The following SLC12A5 variants were observed in gnomAD, a reference collection of about 807,000 sequenced individuals.
The protein encoded by SLC12A5 is K-Cl cotransporter 2.
A neutral mutation model predicts 124.0 loss-of-function variants in SLC12A5; 18 were observed. The observed-to-expected ratio is 0.15, with a 90% CI of 0.10 to 0.22. The LOEUF is 0.22. Among genes scored for constraint, SLC12A5 ranks in the 10% least tolerant of loss-of-function variants. The probability of loss-of-function intolerance (pLI) is 1.00; values close to 1 mark genes in which losing one functional copy is unlikely to be tolerated. For missense variants in SLC12A5, 867 were observed against 1,478.7 expected (o/e 0.59, Z 6.78); for synonymous variants, 589 against 568.0 (o/e 1.04, Z -0.53).
chr20:46,033,714 C>A (rs1401673511), intron 1 of SLC12A5, among the ~76,000 whole-genome samples: 1 of 152,184 alleles, frequency 6.6e-6, no homozygotes, highest in Non-Finnish European at 1.5e-5. Context: ...ATAGCACCAT[C>A]ATCCAACCAT....
chr20:46,036,667 A>G lies in SLC12A5; in HGVS notation c.427-74A>G, dbSNP rs577699033. ...TGGGTTTGGCTGGTGTTTATGGGGT[A>G]TAAGGCTTGGCCCCCACCCAGGCCA... On this transcript the variant is annotated intron_variant, in intron 4 of 25. Coordinates refer to ENST00000243964, the MANE Select transcript of SLC12A5 (RefSeq NM_020708.5). The G allele has an allele frequency of 3.2e-5, 49 of 1,546,948 alleles. No homozygotes were observed. The African/African-American group carries it at 5.3e-4, about 17-fold the overall frequency.
chr20:46,057,770 C>T lies in SLC12A5; in HGVS notation c.*165C>T, dbSNP rs950809133. 1 of 589,746 alleles carries T rather than the reference C, an allele frequency of 1.7e-6. No individual in the cohort carries two copies. The highest frequency in any genetic ancestry group is 2.0e-5 in the African/African-American group (1 of 50,828). The allele number at this position is 589,746 out of a possible 1,614,324, so 36.5% of individuals were successfully genotyped here. On this transcript the variant is annotated 3_prime_UTR_variant, in exon 26 of 26. Coordinates refer to ENST00000243964, the MANE Select transcript of SLC12A5 (RefSeq NM_020708.5). The surrounding 1 kb of genome is among the most constrained non-coding windows in gnomAD (Gnocchi z 7.1). ...GAGGCCACGCCTGTTGGGGCTGATT[C>T]GGAGAGGGCGCCCCGCCGCGCAGAG...
downstream of SLC12A5, among the ~76,000 whole-genome samples, chr20:46,023,758 C>T (rs62215576): frequency 0.19 from 29,636 of 152,068 alleles, 2,959 homozygotes; most frequent in South Asian, 0.34. Context: ...GCACATGTCC[C>T]GGTGGATGGC....
At chr20:46,027,553 A>C (rs1438779796), upstream of SLC12A5, 1 of 152,220 alleles carries the variant, frequency 6.6e-6, no homozygotes. Flanking sequence ...GTTGCAAGCC[A>C]AGAGTCCATT....
rs780178613 is a variant in SLC12A5 at position 46,052,928 on chromosome 20, C to T, written c.2378-29C>T. 1.5e-5 allele frequency: 23 copies of T among 1,585,452 alleles called. 2 individuals are homozygous for T. In the South Asian group the frequency reaches 1.7e-4, roughly 12 times the overall value. ...GGGAGAACCAGAGTCACTGTTTCCC[C>T]CTCTGGCCCTCTCCTTGGCCTCCCT... On this transcript the variant is annotated intron_variant, in intron 18 of 25. Transcript: ENST00000243964.
At position 46,056,438 on chromosome 20, in the gene SLC12A5, G is replaced by C. The variant is rs376925159; in HGVS notation, c.2984G>C (p.Gly995Ala). The change falls in exon 23 of 26, where the codon GGG (glycine) becomes GCG (alanine). Residue 995 changes from glycine to alanine, a missense_variant. Gly to Ala is a moderately conservative substitution (Grantham distance 60, BLOSUM62 0). Around this residue, in one of 9 missense-constraint regions of SLC12A5, gnomAD observed 180 missense variants for 243.6 expected, o/e 0.74. Transcript: ENST00000243964. The surrounding 1 kb of genome is among the most constrained non-coding windows in gnomAD (Gnocchi z 4.3). ...CCGTCCCCAGGGGAGGAGCCTGAGGGGGAAGGGGAGACAGATCCGGAGAAG... is the reference window on the plus strand; with the variant it reads ...CCGTCCCCAGGGGAGGAGCCTGAGGCGGAAGGGGAGACAGATCCGGAGAAG... ...SSPSPGEEPE[G>A]EGETDPEKVH... 16 of 1,613,980 alleles carry C rather than the reference G, an allele frequency of 9.9e-6. No homozygotes were observed. The African/African-American group carries it at 1.3e-4, about 13-fold the overall frequency.
chr20:46,056,519 G>A lies in SLC12A5; in HGVS notation c.3065G>A (p.Ser1022Asn), dbSNP rs1008003126. ...KSVAEKNKGPSPVSSEGIKDF... is the reference protein window; with the variant it reads ...KSVAEKNKGPNPVSSEGIKDF... ...GTGGCAGAGAAGAATAAGGGCCCCA[G>A]TCCTGTCTCCTCTGAGGGCATCAAG... Residue 1022 changes from serine to asparagine, a missense_variant, in exon 23 of 26, where the codon AGT (serine) becomes AAT (asparagine). Ser to Asn is a conservative substitution (Grantham distance 46). Around this residue, in one of 9 missense-constraint regions of SLC12A5, gnomAD observed 180 missense variants for 243.6 expected, o/e 0.74. Coordinates refer to ENST00000243964, the MANE Select transcript of SLC12A5 (RefSeq NM_020708.5). This position sits in a 1 kb window ranked among gnomAD's most constrained non-coding sequence, Gnocchi z 4.3. 1.2e-6 allele frequency: 2 copies of A among 1,614,168 alleles called. No homozygotes were observed. Among genetic ancestry groups the A allele is most frequent in the Non-Finnish European group, 8.5e-7 (1 of 1,180,008 alleles).
intron 1 of SLC12A5, among the ~76,000 whole-genome samples, chr20:46,030,450 C>G (rs1238049223): frequency 6.6e-6 from 1 of 152,084 alleles, no homozygotes; most frequent in East Asian, 1.9e-4. Context: ...GCCAGCCACC[C>G]CCTCAGGCTC....
At chr20:46,037,476 A>G in intron 6 of SLC12A5, 91 bp downstream of exon 6, 1 of 1,384,022 alleles carries the variant, frequency 7.2e-7, no homozygotes, top group Non-Finnish European at 9.5e-7. Context: ...CAGGCCATTC[A>G]GTGAGGCCAA....
rs771520319 is a variant in SLC12A5, at chr20:46,045,112, C to T, written c.1541C>T (p.Ser514Leu). Residue 514 changes from serine to leucine, a missense_variant, in exon 12 of 26, where the codon TCG (serine) becomes TTG (leucine). Physicochemically the swap from Ser to Leu is moderately radical, Grantham distance 145. Transcript: ENST00000243964. The surrounding 1 kb of genome is among the most constrained non-coding windows in gnomAD (Gnocchi z 4.9). ...TGAPRLLQAI[S>L]RDGIVPFLQV... ...GCCCCACGCCTGCTGCAGGCCATCTCGAGGGATGGCATTGTGCCCTTCCTG... is the reference window on the plus strand; with the variant it reads ...GCCCCACGCCTGCTGCAGGCCATCTTGAGGGATGGCATTGTGCCCTTCCTG... 2.5e-6 allele frequency: 4 copies of T among 1,600,912 alleles called. No individual in the cohort carries two copies. Among genetic ancestry groups the T allele is most frequent in the Non-Finnish European group, 3.4e-6 (4 of 1,173,804 alleles).
At position 46,040,599 on chromosome 20, in the gene SLC12A5, A is replaced by G. The variant is rs1192039338; in HGVS notation, c.839A>G (p.Asp280Gly). The G allele has an allele frequency of 1.9e-6, 3 of 1,613,706 alleles. No homozygotes were observed. The highest frequency in any genetic ancestry group is 2.7e-5 in the African/African-American group (2 of 74,800). The change falls in exon 7 of 26, where the codon GAC (aspartate) becomes GGC (glycine). Residue 280 changes from aspartate to glycine, a missense_variant. Physicochemically the swap from Asp to Gly is moderately conservative, Grantham distance 94 (BLOSUM62 -1). Coordinates refer to ENST00000243964, the MANE Select transcript of SLC12A5 (RefSeq NM_020708.5). ...GCTGGGGTCATCAAGTCTGCCTTCG[A>G]CCCACCCAACTTCCCGTGAGTGCTG... ...IYAGVIKSAF[D>G]PPNFPICLLG...
chr20:46,033,723 A>G (rs1024656470), intron 1 of SLC12A5, among the ~76,000 whole-genome samples: 11 of 151,968 alleles, frequency 7.2e-5, no homozygotes, highest in African/African-American at 2.4e-4. Flanking sequence ...TCATCCAACC[A>G]TTCACCCATG....
At position 46,059,258 on chromosome 20, in the gene SLC12A5, C is replaced by A. The variant is rs888692100; in HGVS notation, c.*1653C>A. 6.9e-6 allele frequency: 2 copies of A among 291,354 alleles called. No homozygotes were observed. Among genetic ancestry groups the A allele is most frequent in the African/African-American group, 4.3e-5 (2 of 46,356 alleles). 18.0% of individuals were successfully genotyped at this position (291,354 alleles called of 1,614,324 possible). A position where few individuals can be genotyped will look rare whatever the true frequency, so the allele number is the denominator to read the frequency against. On this transcript the variant is annotated 3_prime_UTR_variant, in exon 26 of 26. Transcript: ENST00000243964. Reference sequence around the variant, plus strand: ...AGCTGGCGCCACTGAGTAATCCGGACCTCACCACCTCTTTTCCTTTGAGCC... The same window carrying A: ...AGCTGGCGCCACTGAGTAATCCGGAACTCACCACCTCTTTTCCTTTGAGCC...
chr20:46,047,603 C>T (rs1221809696), intron 15 of SLC12A5, 30 bp downstream of exon 15: 2 of 1,595,370 alleles, frequency 1.3e-6, no homozygotes, highest in Middle Eastern at 1.7e-4. Flanking sequence ...GTTGGGGTGG[C>T]TGGGGAAGGC....
Position 46,037,238 on chromosome 20 carries a change from C to T in SLC12A5, c.482-17C>T, listed in dbSNP as rs557442256. 3 of 1,587,006 alleles carry T rather than the reference C, an allele frequency of 1.9e-6. No individual in the cohort carries two copies. The South Asian group carries it at 3.5e-5, about 18-fold the overall frequency. On this transcript the variant is annotated splice_polypyrimidine_tract_variant and intron_variant, in intron 5 of 25. Coordinates refer to ENST00000243964, the MANE Select transcript of SLC12A5 (RefSeq NM_020708.5). ...AGTGCCCCCGACCCTCTCGCTGATA[C>T]CAGATTCTCCCTGCAGCTGGTGGCT...
Position 46,049,773 on chromosome 20 carries a change from G to T in SLC12A5, c.2164G>T (p.Ala722Ser). The T allele has an allele frequency of 6.3e-7, 1 of 1,597,752 alleles. No individual in the cohort carries two copies. Among genetic ancestry groups the T allele is most frequent in the Non-Finnish European group, 8.5e-7 (1 of 1,172,924 alleles). The change falls in exon 17 of 26, where the codon GCC becomes TCC. Residue 722 changes from alanine to serine, a missense_variant. Ala to Ser is a moderately conservative substitution (Grantham distance 99, BLOSUM62 1). This residue lies in a region of SLC12A5 where 110 missense variants were observed against 149.9 expected (regional missense o/e 0.73). Transcript: ENST00000243964. ...EGTFLENHPQ[A>S]QRAEESIRRL... ...CACCTTTCTGGAAAATCATCCACAGGCCCAGCGGGCAGAAGAGGTGAGCAG... is the reference window on the plus strand; with the variant it reads ...CACCTTTCTGGAAAATCATCCACAGTCCCAGCGGGCAGAAGAGGTGAGCAG...
At position 46,047,574 on chromosome 20, in the gene SLC12A5, G is replaced by A; in HGVS notation, c.1907+1G>A. ...TCTACAAGTACATTGAGTACCGTGG[G>A]TGAGTGTGGGGAGTGGAGGTTGGGG... On this transcript the variant is annotated splice_donor_variant, in intron 15 of 25. Coordinates refer to ENST00000243964, the MANE Select transcript of SLC12A5 (RefSeq NM_020708.5). LOFTEE classifies it high-confidence loss of function. 6.2e-7 allele frequency: 1 copy of A among 1,613,446 alleles called. No homozygotes were observed. Among genetic ancestry groups the A allele is most frequent in the Non-Finnish European group, 8.5e-7 (1 of 1,179,584 alleles).
At chr20:46,040,047 T>G (rs908634425) in intron 6 of SLC12A5, among the ~76,000 whole-genome samples, 1 of 152,210 alleles carries the variant, frequency 6.6e-6, no homozygotes, top group African/African-American at 2.4e-5. Flanking sequence ...TTTTTATTTG[T>G]TTTTGAGATG....
In SLC12A5 at chr20:46,044,965, G is replaced by T. The variant is rs2084580804; in HGVS notation, c.1395-1G>T. The T allele has an allele frequency of 6.2e-7, 1 of 1,614,106 alleles. No homozygotes were observed. On this transcript the variant is annotated splice_acceptor_variant, in intron 11 of 25. Transcript: ENST00000243964. LOFTEE classifies it high-confidence loss of function. ...GGCATCTCCTGTCCACATCATTCCA[G>T]GTTTGGCGAAGCTGTGAATGGCAAC...
Sources: allele counts gnomAD v4.1 joint callset (sites outside exome capture counted in the v4.1 genomes callset), GRCh38; gene constraint gnomAD v4.1.1; regional missense constraint gnomAD v4.1.1; non-coding constraint Gnocchi (gnomAD v3.1); transcripts MANE v1.5; gene names NCBI Gene and HGNC (gene_info 2026-07-23, HGNC 2026-07-21).